GPATCH2: variants seen among roughly 807,000 people sequenced by gnomAD.
GPATCH2 encodes the protein G patch domain-containing protein 2.
A neutral mutation model predicts 58.0 loss-of-function variants in GPATCH2; 51 were observed. That is an observed-to-expected ratio of 0.88 (90% CI 0.70 to 1.11). The LOEUF is 1.11. Among genes scored for constraint, GPATCH2 ranks in the 50% most tolerant of loss-of-function variants. The pLI is 0.00. For missense variants in GPATCH2, 625 were observed against 652.2 expected (o/e 0.96, Z 0.45); for synonymous variants, 222 against 218.5 (o/e 1.02, Z -0.14).
chr1:217,517,455 T>C (rs1663224089), intron 5 of GPATCH2, among the ~76,000 whole-genome samples: 1 of 152,114 alleles, frequency 6.6e-6, no homozygotes, highest in Admixed American at 6.5e-5. Context: ...GAGAACAATA[T>C]ATTTAATATA....
intron 5 of GPATCH2, among the ~76,000 whole-genome samples, chr1:217,551,658 TTG>T (rs1230570080): frequency 6.6e-6 from 1 of 152,174 alleles, no homozygotes; most frequent in African/African-American, 2.4e-5. Context: ...TCACTCACTG[TTG>T]TGTTTGTTGT....
At chr1:217,457,698 G>T (rs898946222) in intron 8 of GPATCH2, among the ~76,000 whole-genome samples, 2 of 152,078 alleles carry the variant, frequency 1.3e-5, no homozygotes. Flanking sequence ...AGGGTCATTT[G>T]AAAAAATCAT....
At chr1:217,483,348 C>T (rs949978159) in intron 8 of GPATCH2, among the ~76,000 whole-genome samples, 3 of 148,668 alleles carry the variant, frequency 2.0e-5, no homozygotes, top group Non-Finnish European at 2.9e-5. Context: ...CCATGCCTGA[C>T]TAATATTTTT....
At chr1:217,553,795 C>T (rs1413335455) in intron 5 of GPATCH2, among the ~76,000 whole-genome samples, 2 of 152,152 alleles carry the variant, frequency 1.3e-5, no homozygotes, top group African/African-American at 4.8e-5. Flanking sequence ...ATATCATTAG[C>T]TCAGTTTTGT....
intron 8 of GPATCH2, among the ~76,000 whole-genome samples, chr1:217,457,904 T>C (rs1295253696): frequency 1.3e-5 from 2 of 152,218 alleles, no homozygotes; most frequent in African/African-American, 4.8e-5. Context: ...AGATTCTCTC[T>C]TGGCCACCAT....
intron 5 of GPATCH2, among the ~76,000 whole-genome samples, chr1:217,559,295 T>C (rs1029486912): frequency 5.3e-5 from 8 of 151,672 alleles, no homozygotes; most frequent in African/African-American, 1.7e-4. Context: ...GGATCACGAC[T>C]CATTCTAAAG....
intron 5 of GPATCH2, among the ~76,000 whole-genome samples, chr1:217,550,134 T>C (rs562495035): frequency 1.2e-4 from 19 of 152,270 alleles, no homozygotes; most frequent in South Asian, 6.2e-4. Flanking sequence ...GATGAGACTC[T>C]GGGTTCTATA....
At chr1:217,576,000 T>C (rs1666786733) in intron 5 of GPATCH2, among the ~76,000 whole-genome samples, 1 of 152,074 alleles carries the variant, frequency 6.6e-6, no homozygotes, top group Admixed American at 6.6e-5. Flanking sequence ...AATAGTACAG[T>C]TGGTAGATAT....
At chr1:217,583,665 GA>G (rs921430393) in intron 5 of GPATCH2, among the ~76,000 whole-genome samples, 5 of 149,498 alleles carry the variant, frequency 3.3e-5, no homozygotes, top group Non-Finnish European at 7.4e-5. Flanking sequence ...ACTGATTAAA[GA>G]TAGGAATTCT....
At chr1:217,446,863 CT>C (rs1338904808) in intron 9 of GPATCH2, among the ~76,000 whole-genome samples, 1 of 152,140 alleles carries the variant, frequency 6.6e-6, no homozygotes, top group African/African-American at 2.4e-5. Context: ...TCAAAATCGC[CT>C]TGCAGAAATA....
At chr1:217,482,347 A>C (rs1049400849) in intron 8 of GPATCH2, among the ~76,000 whole-genome samples, 2 of 152,202 alleles carry the variant, frequency 1.3e-5, no homozygotes, top group Middle Eastern at 3.2e-3. Context: ...AAGACACATA[A>C]AGCAGGGAGA....
rs533976671 is a variant in GPATCH2 at position 217,449,306 on chromosome 1, T to C, written c.1309A>G (p.Thr437Ala). Residue 437 changes from threonine (T) to alanine (A), a missense_variant, in exon 9 of 10, where the codon ACG becomes GCG. Physicochemically the swap from Thr to Ala is moderately conservative, Grantham distance 58 (BLOSUM62 0). Transcript: ENST00000366935. Reference sequence around the variant, plus strand: ...TTTCTTCTCCGTTTGATATCTCCCGTGCATAAGGATCCTAAATGCATGCTT... The same window carrying C: ...TTTCTTCTCCGTTTGATATCTCCCGCGCATAAGGATCCTAAATGCATGCTT... ...QTSMHLGSLC[T>A]GDIKRRRKAA... The C allele has an allele frequency of 1.9e-6, 3 of 1,608,362 alleles. No individual in the cohort carries two copies. The highest frequency in any genetic ancestry group is 1.7e-4 in the Middle Eastern group (1 of 6,054).
Position 217,462,140 on chromosome 1 carries a change from T to G in GPATCH2, c.1278-12803A>C, listed in dbSNP as rs12059030. Among the ~76,000 whole-genome samples, 1,491 of 152,282 alleles carry G rather than the reference T, an allele frequency of 9.8e-3. 18 individuals are homozygous for G. Among genetic ancestry groups the G allele is most frequent in the African/African-American group, 0.034 (1,407 of 41,574 alleles). Reference sequence around the variant, plus strand: ...AAAGGCAGTTTATAATTTTGTTAAATTGGGTCTATTACTTGCTGTATTTAA... The same window carrying G: ...AAAGGCAGTTTATAATTTTGTTAAAGTGGGTCTATTACTTGCTGTATTTAA... On this transcript the variant is annotated intron_variant, in intron 8 of 9. Transcript: ENST00000366935.
At chr1:217,553,841 A>G (rs1348303337) in intron 5 of GPATCH2, among the ~76,000 whole-genome samples, 1 of 152,200 alleles carries the variant, frequency 6.6e-6, no homozygotes, top group Non-Finnish European at 1.5e-5. Flanking sequence ...CTGAAAAGTA[A>G]CCAAAAGCTT....
chr1:217,472,457 A>T (rs1660770815), intron 8 of GPATCH2, among the ~76,000 whole-genome samples: 1 of 151,906 alleles, frequency 6.6e-6, no homozygotes, highest in African/African-American at 2.4e-5. Context: ...GCCCGCCACC[A>T]CGCCGGGCTA....
rs201402598 is a variant in GPATCH2, at chr1:217,463,641, C to CAAAA, written c.1278-14308_1278-14305dup. Among the ~76,000 whole-genome samples the CAAAA allele has an allele frequency of 8.4e-3, 691 of 82,348 alleles. 33 individuals carry two copies. Among genetic ancestry groups the CAAAA allele is most frequent in the Non-Finnish European group, 0.012 (543 of 44,952 alleles). The allele number at this position is 82,348 out of a possible 152,430, so 54.0% of individuals were successfully genotyped here. Reference sequence around the variant, plus strand: ...GCAACATAGCAAGAACTTATCACTCCAAAAAAAAAAAAAAAAAAAAAAAAA... The same window carrying CAAAA: ...GCAACATAGCAAGAACTTATCACTCCAAAAAAAAAAAAAAAAAAAAAAAAAAAAA... On this transcript the variant is annotated intron_variant, in intron 8 of 9. Coordinates refer to ENST00000366935, the MANE Select transcript of GPATCH2 (RefSeq NM_018040.5).
At chr1:217,571,992 G>GGAAA (rs1190716492) in intron 5 of GPATCH2, among the ~76,000 whole-genome samples, 32 of 139,738 alleles carry the variant, frequency 2.3e-4, no homozygotes, top group African/African-American at 8.1e-4. Flanking sequence ...AAGGAAGGAA[G>GGAAA]GAAGGAAAGA....
Position 217,610,333 on chromosome 1 carries a change from A to G in GPATCH2, c.1086T>C (p.Thr362=), listed in dbSNP as rs1346195232. 1 of 1,585,432 alleles carries G rather than the reference A, an allele frequency of 6.3e-7. No homozygotes were observed. ...AAAGTATGCCTACCATTGAAGTTGG[A>G]GTCCCTCCAGATTTTTTAATATTCT... The part of the protein sequence containing the change: ...SSKNIKKSGG[T]PTSMVPIPGP... Residue 362 remains threonine (T), a synonymous_variant, in exon 5 of 10, where the codon ACT becomes ACC. Transcript: ENST00000366935.
intron 5 of GPATCH2, among the ~76,000 whole-genome samples, chr1:217,524,035 T>C (rs189468581): frequency 0.62 from 82,527 of 133,212 alleles, 25,732 homozygotes; most frequent in East Asian, 0.92. Flanking sequence ...CAGGCAGAGG[T>C]GCCCCTCACC....
Sources: gnomAD v4.1 joint callset for allele counts (sites outside exome capture counted in the v4.1 genomes callset) on GRCh38, gnomAD v4.1.1 for gene constraint, MANE v1.5 for transcripts, NCBI Gene and HGNC (gene_info 2026-07-23, HGNC 2026-07-21) for gene names.